BTBD9: variants seen among roughly 807,000 people sequenced by gnomAD.
BTBD9 encodes BTB domain containing 9.
BTBD9 carries 49 observed loss-of-function variants against 64.3 expected under a neutral mutation model. The observed-to-expected ratio is 0.76, with a 90% CI of 0.61 to 0.97. The LOEUF is 0.97. BTBD9 is among the 50% of genes least tolerant of loss of function. BTBD9 has a pLI of 0.00. For missense variants in BTBD9, 598 were observed against 762.1 expected, an observed-to-expected ratio of 0.78 and a Z score of 2.53; for synonymous variants, 260 against 274.7, an observed-to-expected ratio of 0.95 and a Z score of 0.53.
intron 10 of BTBD9, among the ~76,000 whole-genome samples, chr6:38,178,003 T>C (rs1761360396): frequency 6.6e-6 from 1 of 152,208 alleles, no homozygotes; most frequent in Non-Finnish European, 1.5e-5. Flanking sequence ...CCCTAGGCCG[T>C]AACTGCCTGA....
chr6:38,198,788 C>T (rs558296083), intron 9 of BTBD9, among the ~76,000 whole-genome samples: 16 of 152,248 alleles, frequency 1.1e-4, no homozygotes, highest in Non-Finnish European at 2.2e-4. Flanking sequence ...ATTTGTTTCC[C>T]ATCAAATATA....
intron 1 of BTBD9, among the ~76,000 whole-genome samples, chr6:38,639,093 A>C (rs1778630963): frequency 6.6e-6 from 1 of 152,194 alleles, no homozygotes; most frequent in South Asian, 2.1e-4. Context: ...CAAAAGCACA[A>C]CACGGTTCTG....
chr6:38,533,215 GA>G (rs1305948112), intron 6 of BTBD9, among the ~76,000 whole-genome samples: 1 of 151,958 alleles, frequency 6.6e-6, no homozygotes, highest in African/African-American at 2.4e-5. Context: ...TAAAGGGATG[GA>G]AAAAGACATT....
intron 4 of BTBD9, among the ~76,000 whole-genome samples, chr6:38,583,716 G>A (rs1776393119): frequency 6.6e-6 from 1 of 152,130 alleles, no homozygotes; most frequent in African/African-American, 2.4e-5. Context: ...GTCTTCTTTT[G>A]AAGTTTATTT....
At chr6:38,192,761 G>A (rs1451184613) in intron 9 of BTBD9, among the ~76,000 whole-genome samples, 164 bp from the exon 10 acceptor site, 1 of 152,114 alleles carries the variant, frequency 6.6e-6, no homozygotes, top group African/African-American at 2.4e-5. Context: ...ATGGCTGAGA[G>A]AGGCAGGACA....
intron 7 of BTBD9, among the ~76,000 whole-genome samples, chr6:38,342,575 A>G (rs987994597): frequency 1.8e-4 from 27 of 151,274 alleles, no homozygotes; most frequent in African/African-American, 6.3e-4. Context: ...TTGATACTCT[A>G]ATTACTTATG....
At chr6:38,225,952 T>C (rs1477986473) in intron 9 of BTBD9, among the ~76,000 whole-genome samples, 3 of 152,190 alleles carry the variant, frequency 2.0e-5, no homozygotes, top group African/African-American at 7.2e-5. Context: ...ACTGAGCACG[T>C]TTCATTGGCA....
rs559164335 is a variant in BTBD9, at chr6:38,612,943, T to G, written c.-27-14822A>C. On this transcript the variant is annotated intron_variant, in intron 1 of 10. Transcript: ENST00000481247. The stretch of plus-strand genomic sequence containing the variant: ...TGTCTAATTTCCATCAACTCTCCTG[T>G]CCCTTTGGAGCTGCAATGGCCACAG... 2.6e-5 allele frequency: 4 copies of G among 152,326 alleles called. No homozygotes were observed. In the South Asian group the frequency reaches 8.3e-4, roughly 32 times the overall value. 9.4% of individuals were successfully genotyped at this position (152,326 alleles called of 1,614,324 possible). A position where few individuals can be genotyped will look rare whatever the true frequency, so the allele number is the denominator to read the frequency against.
At chr6:38,536,854 T>C (rs1774042216) in intron 6 of BTBD9, among the ~76,000 whole-genome samples, 1 of 151,958 alleles carries the variant, frequency 6.6e-6, no homozygotes, top group Non-Finnish European at 1.5e-5. Flanking sequence ...TGGGGATGCT[T>C]AATGGGTACA....
At chr6:38,196,619 C>T (rs911383189) in intron 9 of BTBD9, among the ~76,000 whole-genome samples, 51 of 152,112 alleles carry the variant, frequency 3.4e-4, no homozygotes, top group Admixed American at 8.5e-4. Context: ...TGCATGGCAC[C>T]GGCTGGGTGT....
intron 6 of BTBD9, among the ~76,000 whole-genome samples, chr6:38,349,369 A>C (rs1764412036): frequency 6.6e-6 from 1 of 152,168 alleles, no homozygotes; most frequent in Non-Finnish European, 1.5e-5. Context: ...CTTGGTTAGG[A>C]CTTTGAGAAT....
At chr6:38,505,705 G>A (rs1414251686) in intron 6 of BTBD9, among the ~76,000 whole-genome samples, 13 of 151,514 alleles carry the variant, frequency 8.6e-5, no homozygotes, top group Non-Finnish European at 1.2e-4. Context: ...AGTGGCTCAC[G>A]CCTGTAATCC....
At chr6:38,515,249 T>TA (rs1360125643) in intron 6 of BTBD9, among the ~76,000 whole-genome samples, 3 of 152,184 alleles carry the variant, frequency 2.0e-5, no homozygotes, top group African/African-American at 7.2e-5. Flanking sequence ...CACCTACTCT[T>TA]AAAGAGCGGA....
intron 6 of BTBD9, among the ~76,000 whole-genome samples, chr6:38,526,135 C>G (rs1305931747): frequency 1.3e-5 from 2 of 152,220 alleles, no homozygotes; most frequent in Non-Finnish European, 1.5e-5. Context: ...TTTTGTGAGC[C>G]AGGCCCAGGG....
At chr6:38,222,481 G>C (rs1057212676) in intron 9 of BTBD9, among the ~76,000 whole-genome samples, 3 of 151,824 alleles carry the variant, frequency 2.0e-5, no homozygotes, top group African/African-American at 4.8e-5. Flanking sequence ...GGATGGTCTC[G>C]ATCTCCTGAC....
chr6:38,487,558 G>T (rs1022436935), intron 6 of BTBD9, among the ~76,000 whole-genome samples: 11 of 147,436 alleles, frequency 7.5e-5, no homozygotes, highest in Non-Finnish European at 1.2e-4. Context: ...TTCCAGCCTG[G>T]GTGACAGAGC....
rs772932543 is a variant in BTBD9, at chr6:38,592,739, A to G, written c.651T>C (p.Asn217=). 11 of 1,614,062 alleles carry G rather than the reference A, an allele frequency of 6.8e-6. No homozygotes were observed. The highest frequency in any genetic ancestry group is 3.3e-5 in the Admixed American group (2 of 60,004). ...LNWCKHNSKE[N]HAEIMQAVRL... ...GCACAGCCTGCATGATTTCAGCATG[A>G]TTCTCCTTTGAATTGTGCTTACACC... Residue 217 remains asparagine, a synonymous_variant, in exon 4 of 11, where the codon AAT becomes AAC. Transcript: ENST00000481247.
In BTBD9 at chr6:38,392,875, A is replaced by ATTTTT. The variant is rs11403915; in HGVS notation, c.1155-47787_1155-47783dup. Among the ~76,000 whole-genome samples, 145 of 137,306 alleles carry ATTTTT rather than the reference A, an allele frequency of 1.1e-3. 1 individual carries two copies. Among genetic ancestry groups the ATTTTT allele is most frequent in the African/African-American group, 2.2e-3 (81 of 36,606 alleles). 90.1% of individuals were successfully genotyped at this position (137,306 alleles called of 152,430 possible). ...TATTTTGCTCATCCTTAAGACAATG[A>ATTTTT]TTTTTTTTTTTTTTTTTGAGATGGA... On this transcript the variant is annotated intron_variant, in intron 6 of 10. Transcript: ENST00000481247.
intron 1 of BTBD9, among the ~76,000 whole-genome samples, chr6:38,626,108 C>A (rs1778156927): frequency 6.6e-6 from 1 of 152,166 alleles, no homozygotes; most frequent in Admixed American, 6.5e-5. Context: ...TGAGAGTATG[C>A]AGTTTACAGC....
Sources: allele counts gnomAD v4.1 joint callset (sites outside exome capture counted in the v4.1 genomes callset), GRCh38; gene constraint gnomAD v4.1.1; transcripts MANE v1.5; gene names NCBI Gene and HGNC (gene_info 2026-07-23, HGNC 2026-07-21).